Variants in SFMBT2 observed in about 807,000 individuals in gnomAD.
The protein encoded by SFMBT2 is scm-like with four MBT domains protein 2.
Under a neutral mutation model 110.1 loss-of-function variants are expected in SFMBT2, and 38 were observed. That is an observed-to-expected ratio of 0.35 (90% confidence interval 0.27 to 0.45). The LOEUF is 0.45. Ranked by LOEUF, SFMBT2 falls within the 20% of genes least tolerant of loss-of-function variation. SFMBT2 has a pLI of 1.00. For synonymous variants in SFMBT2, 425 were observed against 425.4 expected (o/e 1.00, Z 0.01); for missense variants, 1,011 against 1,094.9 (o/e 0.92, Z 1.08).
At chr10:7,238,963 C>T (rs976758239) in intron 9 of SFMBT2, among the ~76,000 whole-genome samples, 6 of 152,092 alleles carry the variant, frequency 3.9e-5, no homozygotes, top group African/African-American at 1.4e-4. Flanking sequence ...GTAAAATCTC[C>T]AACATTCTAA....
At chr10:7,366,340 C>A (rs1206884607) in intron 4 of SFMBT2, among the ~76,000 whole-genome samples, 1 of 151,682 alleles carries the variant, frequency 6.6e-6, no homozygotes, top group Non-Finnish European at 1.5e-5. Context: ...TTTTATGACC[C>A]CCTTCTTAGC....
In SFMBT2 at chr10:7,170,624, C is replaced by A. The variant is rs993287468; in HGVS notation, c.2544+304G>T. Among the ~76,000 whole-genome samples, 2 of 152,082 alleles carry A rather than the reference C, an allele frequency of 1.3e-5. No homozygotes were observed. Among genetic ancestry groups the A allele is most frequent in the Non-Finnish European group, 2.9e-5 (2 of 67,996 alleles). ...GGGGAGCGTGGACTCGCACCCCTCACCTGGCAGCAACAGGCACCTCCCACC... is the reference window on the plus strand; with the variant it reads ...GGGGAGCGTGGACTCGCACCCCTCAACTGGCAGCAACAGGCACCTCCCACC... On this transcript the variant is annotated intron_variant, in intron 20 of 20. Transcript: ENST00000397167. The surrounding 1 kb of genome is among the most constrained non-coding windows in gnomAD (Gnocchi z 4.6).
intron 8 of SFMBT2, chr10:7,246,292 G>T: frequency 2.3e-6 from 1 of 430,446 alleles, no homozygotes; most frequent in Non-Finnish European, 3.1e-6. Context: ...TATTTACTGT[G>T]AAAAACCAAC....
chr10:7,240,216 A>G (rs960371552), intron 9 of SFMBT2, among the ~76,000 whole-genome samples: 1 of 152,162 alleles, frequency 6.6e-6, no homozygotes, highest in South Asian at 2.1e-4. Flanking sequence ...TTATGTAACT[A>G]CAAAAATATA....
chr10:7,303,277 T>C (rs1004264250), intron 4 of SFMBT2, among the ~76,000 whole-genome samples: 6 of 152,250 alleles, frequency 3.9e-5, no homozygotes, highest in Non-Finnish European at 5.9e-5. Flanking sequence ...TATTAACTTA[T>C]GGTTTTCTTC....
rs1261533609 is a variant in SFMBT2, at chr10:7,283,945, C to T, written c.731G>A (p.Gly244Asp). Residue 244 changes from glycine to aspartate, a missense_variant, in exon 6 of 21, where the codon GGT becomes GAT. Around this residue, in one of 2 missense-constraint regions of SFMBT2, gnomAD observed 979 missense variants for 1,016.1 expected, o/e 0.96. Transcript: ENST00000397167. ...TCTGTATTTATTCTCTTGACACCAA[C>T]CAACTGGTCGAAGTCTGTAATCCAA... ...FYLDYRLRPV[G>D]WCQENKYRMD... 1.4e-5 allele frequency: 22 copies of T among 1,605,536 alleles called. No individual in the cohort carries two copies. The highest frequency in any genetic ancestry group is 1.9e-5 in the Non-Finnish European group (22 of 1,172,248).
chr10:7,246,611 C>T (rs747345730), intron 8 of SFMBT2, among the ~76,000 whole-genome samples: 14 of 141,734 alleles, frequency 9.9e-5, no homozygotes, highest in Non-Finnish European at 1.8e-4. Flanking sequence ...CCCAGCTACT[C>T]GGGAGGCTGA....
intron 12 of SFMBT2, chr10:7,203,046 GA>G: frequency 1.0e-6 from 1 of 985,376 alleles, no homozygotes; most frequent in Non-Finnish European, 1.2e-6. Context: ...GATTTCTTTG[GA>G]TAAGAACATT....
chr10:7,325,337 C>T (rs1843348914), intron 4 of SFMBT2, among the ~76,000 whole-genome samples: 3 of 152,208 alleles, frequency 2.0e-5, no homozygotes, highest in African/African-American at 7.2e-5. Flanking sequence ...AGTTCACAAA[C>T]GTTCAGGCCA....
intron 7 of SFMBT2, among the ~76,000 whole-genome samples, chr10:7,267,789 C>T (rs1256791157): frequency 6.6e-6 from 1 of 152,098 alleles, no homozygotes; most frequent in South Asian, 2.1e-4. Context: ...CCAACAATTT[C>T]CCTTCTTTAA....
In SFMBT2 at chr10:7,159,622, T is replaced by C. The variant is rs1427661655; in HGVS notation, c.*4148A>G. ...CAACTACAGGTTTCTTAATTGACTATGTTGCCTTTCAAATAATTGCACGCA... is the reference window on the plus strand; with the variant it reads ...CAACTACAGGTTTCTTAATTGACTACGTTGCCTTTCAAATAATTGCACGCA... On this transcript the variant is annotated 3_prime_UTR_variant, in exon 21 of 21. Transcript: ENST00000397167. The C allele has an allele frequency of 1.3e-5, 2 of 152,182 alleles. No homozygotes were observed. Among genetic ancestry groups the C allele is most frequent in the Non-Finnish European group, 2.9e-5 (2 of 68,030 alleles). 9.4% of individuals were successfully genotyped at this position (152,182 alleles called of 1,614,324 possible).
chr10:7,219,303 C>T (rs144303568), intron 11 of SFMBT2, among the ~76,000 whole-genome samples: 1 of 152,342 alleles, frequency 6.6e-6, no homozygotes, highest in East Asian at 1.9e-4. Flanking sequence ...TGAAAACCTA[C>T]TAAGCAATCA....
intron 10 of SFMBT2, among the ~76,000 whole-genome samples, chr10:7,222,202 A>C (rs1432333185): frequency 6.6e-6 from 1 of 152,224 alleles, no homozygotes; most frequent in Non-Finnish European, 1.5e-5. Flanking sequence ...TTTCTTGCTG[A>C]GTAGTTTGTA....
chr10:7,340,811 TAAA>T (rs71382100), intron 4 of SFMBT2, among the ~76,000 whole-genome samples: 8 of 129,242 alleles, frequency 6.2e-5, no homozygotes, highest in Non-Finnish European at 6.5e-5. Flanking sequence ...GTCATTGACT[TAAA>T]AAAAAAAAAA....
In SFMBT2 at chr10:7,188,389, T is replaced by A. The variant is rs566098951; in HGVS notation, c.1808+235A>T. Among the ~76,000 whole-genome samples the A allele has an allele frequency of 7.2e-5, 11 of 152,352 alleles. No individual in the cohort carries two copies. In the South Asian group the frequency reaches 2.3e-3, roughly 32 times the overall value. On this transcript the variant is annotated intron_variant, in intron 16 of 20. Coordinates refer to ENST00000397167, the MANE Select transcript of SFMBT2 (RefSeq NM_001387889.1). ...TTTTTATGATGCTGAATGTTTAGCA[T>A]AATAAAATATTAGTTAAGGAAATCT...
At chr10:7,303,141 G>C (rs1842599307) in intron 4 of SFMBT2, among the ~76,000 whole-genome samples, 1 of 152,282 alleles carries the variant, frequency 6.6e-6, no homozygotes, top group Admixed American at 6.5e-5. Context: ...GAAAAAGTCA[G>C]TTGTAAACAG....
intron 4 of SFMBT2, among the ~76,000 whole-genome samples, chr10:7,331,417 G>A (rs1843554540): frequency 6.6e-6 from 1 of 152,160 alleles, no homozygotes; most frequent in Non-Finnish European, 1.5e-5. Context: ...ATCCAATTAT[G>A]CTCTTGAATC....
chr10:7,356,002 A>G (rs1844497364), intron 4 of SFMBT2, among the ~76,000 whole-genome samples: 1 of 152,238 alleles, frequency 6.6e-6, no homozygotes, highest in African/African-American at 2.4e-5. Flanking sequence ...TCTTACTCTG[A>G]CAGTGGCAAC....
At chr10:7,166,080 A>ATTCTG (rs1249310796) in intron 20 of SFMBT2, among the ~76,000 whole-genome samples, 1 of 152,244 alleles carries the variant, frequency 6.6e-6, no homozygotes, top group African/African-American at 2.4e-5. Context: ...CTGATGTTCT[A>ATTCTG]TTCTGTTCTG....
Sources: gnomAD v4.1 joint callset for allele counts (sites outside exome capture counted in the v4.1 genomes callset) on GRCh38, gnomAD v4.1.1 for gene constraint, gnomAD v4.1.1 regional missense constraint, Gnocchi (gnomAD v3.1) non-coding constraint, MANE v1.5 for transcripts, NCBI Gene and HGNC (gene_info 2026-07-23, HGNC 2026-07-21) for gene names.